AGBL1: variants seen among roughly 807,000 people sequenced by gnomAD.
AGBL1 encodes cytosolic carboxypeptidase 4.
AGBL1 carries 130 observed loss-of-function variants against 118.9 expected under a neutral mutation model. That is an observed-to-expected ratio of 1.09 (90% confidence interval 0.95 to 1.26). The LOEUF (loss-of-function observed/expected upper bound fraction) is 1.26, where lower values mean the gene tolerates loss of function less well. AGBL1 is among the 50% of genes most tolerant of loss of function. AGBL1 has a pLI of 0.00. For synonymous variants in AGBL1, 555 were observed against 478.9 expected, an observed-to-expected ratio of 1.16 and a Z score of -2.08; for missense variants, 1,584 against 1,298.1, an observed-to-expected ratio of 1.22 and a Z score of -3.38.
At chr15:86,102,426 C>G (rs1297100724) in intron 1 of AGBL1, among the ~76,000 whole-genome samples, 2 of 152,172 alleles carry the variant, frequency 1.3e-5, no homozygotes, top group African/African-American at 4.8e-5. Context: ...ACTGTTCTTT[C>G]ATTTCCAGTT....
At chr15:86,641,848 C>T (rs543825623) in intron 21 of AGBL1, among the ~76,000 whole-genome samples, 1 of 152,244 alleles carries the variant, frequency 6.6e-6, no homozygotes, top group South Asian at 2.1e-4. Flanking sequence ...AACTCAGTAA[C>T]CTAAACAACA....
At chr15:86,168,361 G>A (rs1296048299) in intron 5 of AGBL1, among the ~76,000 whole-genome samples, 1 of 152,108 alleles carries the variant, frequency 6.6e-6, no homozygotes, top group Non-Finnish European at 1.5e-5. Flanking sequence ...CACGTTCTAG[G>A]CAGAGGCAGA....
intron 22 of AGBL1, among the ~76,000 whole-genome samples, chr15:86,788,294 T>C (rs2078444000): frequency 6.6e-6 from 1 of 152,204 alleles, no homozygotes; most frequent in South Asian, 2.1e-4. Context: ...TGTTATTTTA[T>C]TTAGCAGATT....
chr15:87,028,570 G>T (rs956204467), intron 24 of AGBL1, among the ~76,000 whole-genome samples: 4 of 151,496 alleles, frequency 2.6e-5, no homozygotes, highest in African/African-American at 9.7e-5. Flanking sequence ...AATTTTCTAG[G>T]TATCAGGTCC....
chr15:86,538,183 AT>A (rs1567046240), intron 19 of AGBL1, among the ~76,000 whole-genome samples: 2 of 152,174 alleles, frequency 1.3e-5, no homozygotes, highest in African/African-American at 4.8e-5. Flanking sequence ...TCCAAGACTG[AT>A]CTGTAAGTAA....
At chr15:86,815,092 T>C (rs1243619721) in intron 22 of AGBL1, among the ~76,000 whole-genome samples, 2 of 152,144 alleles carry the variant, frequency 1.3e-5, no homozygotes, top group Non-Finnish European at 2.9e-5. Flanking sequence ...AAGCATAATA[T>C]AATATTTTGT....
intron 23 of AGBL1, among the ~76,000 whole-genome samples, chr15:86,971,980 C>A (rs931328229): frequency 1.3e-5 from 2 of 151,952 alleles, no homozygotes; most frequent in South Asian, 4.2e-4. Flanking sequence ...GGGCCTGCTT[C>A]CCCTTCACCT....
chr15:86,688,660 T>G (rs919667291), intron 22 of AGBL1, among the ~76,000 whole-genome samples: 4 of 152,152 alleles, frequency 2.6e-5, no homozygotes, highest in Admixed American at 1.3e-4. Context: ...TATTTCCCTA[T>G]GAAGTGAAAT....
chr15:86,884,002 GTTTTTC>G (rs2079933928), intron 22 of AGBL1, among the ~76,000 whole-genome samples: 1 of 152,100 alleles, frequency 6.6e-6, no homozygotes, highest in African/African-American at 2.4e-5. Flanking sequence ...TGCACTAATT[GTTTTTC>G]TTCTGAGACC....
chr15:86,308,196 A>G (rs931050093), intron 17 of AGBL1, among the ~76,000 whole-genome samples: 2 of 152,162 alleles, frequency 1.3e-5, no homozygotes, highest in Non-Finnish European at 2.9e-5. Context: ...ACGAATTCCT[A>G]TGTATGAATT....
intron 5 of AGBL1, among the ~76,000 whole-genome samples, chr15:86,175,756 A>C (rs1213675274): frequency 1.3e-5 from 2 of 152,198 alleles, no homozygotes; most frequent in Admixed American, 1.3e-4. Context: ...TCCTTGACTC[A>C]ATGGCCATTC....
chr15:86,589,856 C>G (rs190230941), intron 21 of AGBL1, among the ~76,000 whole-genome samples: 202 of 152,118 alleles, frequency 1.3e-3, no homozygotes, highest in African/African-American at 4.5e-3. Context: ...ACATCATGTC[C>G]TTTTAGTGTA....
chr15:86,772,656 G>C (rs1167989268), intron 22 of AGBL1, among the ~76,000 whole-genome samples: 1 of 152,002 alleles, frequency 6.6e-6, no homozygotes, highest in Non-Finnish European at 1.5e-5. Flanking sequence ...GGAAATAAGG[G>C]GTCTGAAAAT....
rs2079036703 is a variant in AGBL1, at chr15:86,264,276, GGAGAT to G, written c.1108_1112del (p.Asp370PhefsTer4). On this transcript the variant is annotated frameshift_variant, in exon 11 of 23. Coordinates refer to ENST00000614907, the MANE Select transcript of AGBL1 (RefSeq NM_001386094.1). LOFTEE classifies it high-confidence loss of function. ...CCTGAAGGAACTGCAGTCCAAACTT[GGAGAT>G]GATTTGAACTCTGAAAAGACTCAGT... 6.2e-7 allele frequency: 1 copy of G among 1,600,314 alleles called. No individual in the cohort carries two copies. The highest frequency in any genetic ancestry group is 1.3e-5 in the African/African-American group (1 of 74,656).
intron 21 of AGBL1, among the ~76,000 whole-genome samples, chr15:86,594,723 A>G (rs1162604098): frequency 2.0e-5 from 3 of 152,206 alleles, no homozygotes; most frequent in Non-Finnish European, 4.4e-5. Flanking sequence ...CTATTTTTTA[A>G]AATCTCAATC....
Position 86,122,292 on chromosome 15 carries a change from A to C in AGBL1, c.52-19712A>C, listed in dbSNP as rs569880179. Among the ~76,000 whole-genome samples, 78 of 152,328 alleles carry C rather than the reference A, an allele frequency of 5.1e-4. 3 individuals carry two copies. The South Asian group carries it at 0.016, about 31-fold the overall frequency. On this transcript the variant is annotated intron_variant, in intron 1 of 22. Coordinates refer to ENST00000614907, the MANE Select transcript of AGBL1 (RefSeq NM_001386094.1). ...TGGAAAATAGGAAGGAGGAGAATGT[A>C]GATATTCCCGTGAAAGCTGATGGAA...
At chr15:86,127,547 G>C (rs1018351183) in intron 1 of AGBL1, among the ~76,000 whole-genome samples, 1 of 151,272 alleles carries the variant, frequency 6.6e-6, no homozygotes, top group African/African-American at 2.5e-5. Context: ...AGCAGGCCAC[G>C]TGGCCGAGGG....
chr15:86,251,074 C>T (rs2078807905), intron 7 of AGBL1, among the ~76,000 whole-genome samples: 1 of 152,152 alleles, frequency 6.6e-6, no homozygotes, highest in South Asian at 2.1e-4. Context: ...TTAATACATC[C>T]CTTGGCTGTC....
chr15:86,421,772 A>G (rs140832888), intron 18 of AGBL1, among the ~76,000 whole-genome samples: 6 of 152,022 alleles, frequency 3.9e-5, no homozygotes, highest in Non-Finnish European at 5.9e-5. Flanking sequence ...GCAAGCAAAT[A>G]GAAAGGAAAA....
Sources: gnomAD v4.1 joint callset for allele counts (sites outside exome capture counted in the v4.1 genomes callset) on GRCh38, gnomAD v4.1.1 for gene constraint, MANE v1.5 for transcripts, NCBI Gene and HGNC (gene_info 2026-07-23, HGNC 2026-07-21) for gene names.